Variants in PEBP4 observed in about 807,000 individuals in gnomAD.
PEBP4 encodes the protein phosphatidylethanolamine-binding protein 4.
In PEBP4, 22 loss-of-function variants were observed where a neutral mutation model predicts 23.9. That is an observed-to-expected ratio of 0.92 (90% confidence interval 0.66 to 1.31). PEBP4 has a LOEUF of 1.31. PEBP4 is among the 40% of genes most tolerant of loss of function. The pLI is 0.00. For synonymous variants in PEBP4, 112 were observed against 99.3 expected (o/e 1.13, Z -0.76); for missense variants, 324 against 281.7 (o/e 1.15, Z -1.07).
At chr8:22,899,199 G>A (rs966408136) in intron 3 of PEBP4, among the ~76,000 whole-genome samples, 1 of 152,240 alleles carries the variant, frequency 6.6e-6, no homozygotes, top group Non-Finnish European at 1.5e-5. Flanking sequence ...TGCCAGCCCA[G>A]CTCTCTGGAG....
intron 3 of PEBP4, among the ~76,000 whole-genome samples, chr8:22,903,746 T>C (rs1313468521): frequency 8.5e-5 from 13 of 152,200 alleles, no homozygotes; most frequent in Non-Finnish European, 2.9e-5. Flanking sequence ...CATTCGCAAA[T>C]GGCAGCAAGA....
intron 3 of PEBP4, among the ~76,000 whole-genome samples, chr8:22,859,321 C>T (rs1329752899): frequency 6.6e-6 from 1 of 152,196 alleles, no homozygotes; most frequent in African/African-American, 2.4e-5. Context: ...GCTTGCAGCA[C>T]TGAGGTTGCT....
chr8:22,745,644 C>G (rs1400137847), intron 4 of PEBP4: 5 of 152,308 alleles, frequency 3.3e-5, no homozygotes, highest in Non-Finnish European at 5.9e-5. Flanking sequence ...TTGTGGCCAC[C>G]ACTCTGCCTG....
At chr8:22,798,894 T>A (rs1469968261) in intron 4 of PEBP4, among the ~76,000 whole-genome samples, 5 of 151,762 alleles carry the variant, frequency 3.3e-5, no homozygotes, top group African/African-American at 1.2e-4. Flanking sequence ...CCCGACACCA[T>A]GCCCGGCTAA....
At chr8:22,757,459 C>G (rs1805412332) in intron 4 of PEBP4, 1 of 152,472 alleles carries the variant, frequency 6.6e-6, no homozygotes, top group African/African-American at 2.4e-5. Flanking sequence ...CTCCAGGCAG[C>G]TCACAGACAT....
chr8:22,815,766 T>C (rs766007356), intron 4 of PEBP4, among the ~76,000 whole-genome samples: 2 of 152,216 alleles, frequency 1.3e-5, no homozygotes, highest in Non-Finnish European at 2.9e-5. Flanking sequence ...ACTTCTAAGC[T>C]GGGCTGCTGA....
chr8:22,795,163 A>ATAT (rs1563218555), intron 4 of PEBP4, among the ~76,000 whole-genome samples: 25 of 47,356 alleles, frequency 5.3e-4, no homozygotes, highest in East Asian at 1.1e-3. Flanking sequence ...ATATATATAT[A>ATAT]TTTTTTTTTT....
intron 3 of PEBP4, among the ~76,000 whole-genome samples, chr8:22,841,604 G>C (rs986420897): frequency 3.9e-5 from 6 of 152,232 alleles, no homozygotes; most frequent in Non-Finnish European, 8.8e-5. Context: ...AGAGGATCAG[G>C]GAGGCCCTCT....
At chr8:22,852,855 C>T (rs910360167) in intron 3 of PEBP4, among the ~76,000 whole-genome samples, 2 of 152,046 alleles carry the variant, frequency 1.3e-5, no homozygotes, top group African/African-American at 2.4e-5. Flanking sequence ...TGCTAAGATG[C>T]GTGTGTTCAT....
chr8:22,877,729 T>G (rs1371308143), intron 3 of PEBP4, among the ~76,000 whole-genome samples: 1 of 151,956 alleles, frequency 6.6e-6, no homozygotes, highest in African/African-American at 2.4e-5. Flanking sequence ...GCCGGGGGCT[T>G]TCCTCGAATT....
chr8:22,803,071 C>T (rs1338317069), intron 4 of PEBP4, among the ~76,000 whole-genome samples: 1 of 152,108 alleles, frequency 6.6e-6, no homozygotes, highest in Non-Finnish European at 1.5e-5. Context: ...CCTCCAAGGC[C>T]CTGTACCGTG....
At chr8:22,845,664 G>A (rs1807417514) in intron 3 of PEBP4, among the ~76,000 whole-genome samples, 2 of 152,224 alleles carry the variant, frequency 1.3e-5, no homozygotes, top group South Asian at 4.1e-4. Context: ...CCTGCTGGGG[G>A]AAACACCTTG....
chr8:22,747,981 A>T (rs1284128774), intron 4 of PEBP4, among the ~76,000 whole-genome samples: 1 of 152,178 alleles, frequency 6.6e-6, no homozygotes, highest in East Asian at 1.9e-4. Context: ...GCCTGGGTGG[A>T]GAGCGGAGGA....
chr8:22,916,344 C>T (rs765180067), intron 3 of PEBP4, among the ~76,000 whole-genome samples: 5 of 152,280 alleles, frequency 3.3e-5, no homozygotes, highest in Admixed American at 2.0e-4. Context: ...TTTGTCAGAG[C>T]GCCAGGGGAG....
intron 4 of PEBP4, among the ~76,000 whole-genome samples, chr8:22,729,043 C>T (rs535740549): frequency 2.0e-5 from 3 of 152,322 alleles, no homozygotes; most frequent in African/African-American, 4.8e-5. Context: ...AGCACAGTCC[C>T]CCAACTCCCC....
intron 4 of PEBP4, among the ~76,000 whole-genome samples, chr8:22,768,624 G>A (rs910870662): frequency 2.0e-5 from 3 of 152,084 alleles, no homozygotes. Context: ...CTCGGGTGGG[G>A]CCTCGGCCCA....
chr8:22,811,308 T>C (rs1289202354), intron 4 of PEBP4, among the ~76,000 whole-genome samples: 1 of 152,262 alleles, frequency 6.6e-6, no homozygotes, highest in Non-Finnish European at 1.5e-5. Flanking sequence ...GACCTCAGCA[T>C]ACGAGAGCTA....
chr8:22,932,780 A>G (rs1019979488), upstream of PEBP4, among the ~76,000 whole-genome samples: 1 of 152,158 alleles, frequency 6.6e-6, no homozygotes, highest in African/African-American at 2.4e-5. Context: ...TGAGATGGGC[A>G]GATCATCTGA....
chr8:22,782,342 G>A (rs949916173), intron 4 of PEBP4, among the ~76,000 whole-genome samples: 2 of 152,178 alleles, frequency 1.3e-5, no homozygotes, highest in Non-Finnish European at 2.9e-5. Context: ...GAGCACGTGG[G>A]AACCTCTCCC....
Sources: allele counts gnomAD v4.1 joint callset (sites outside exome capture counted in the v4.1 genomes callset), GRCh38; gene constraint gnomAD v4.1.1; transcripts MANE v1.5; gene names NCBI Gene and HGNC (gene_info 2026-07-23, HGNC 2026-07-21).